The following CD55 variants were observed in gnomAD, a reference collection of about 807,000 sequenced individuals.
CD55 encodes CD55 molecule (Cromer blood group).
A neutral mutation model predicts 45.8 loss-of-function variants in CD55; 41 were observed. The ratio of observed to expected loss-of-function variants is 0.90; its 90% CI spans 0.70 to 1.16. The LOEUF is 1.16. Among genes scored for constraint, CD55 ranks in the 50% most tolerant of loss-of-function variants. The pLI, the probability that CD55 is intolerant of heterozygous loss-of-function variation, is 0.00. For synonymous variants in CD55, 181 were observed against 181.1 expected (o/e 1.00, Z 0.01); for missense variants, 416 against 469.8 (o/e 0.89, Z 1.06).
intron 9 of CD55, among the ~76,000 whole-genome samples, chr1:207,351,199 C>T (rs1655853834): frequency 6.6e-6 from 1 of 151,952 alleles, no homozygotes; most frequent in Non-Finnish European, 1.5e-5. Flanking sequence ...TATGCTGTGG[C>T]CTAAGAGTAT....
At chr1:207,331,852 TTTTTAAA>T (rs1654961655) in intron 6 of CD55, among the ~76,000 whole-genome samples, 1 of 152,200 alleles carries the variant, frequency 6.6e-6, no homozygotes, top group African/African-American at 2.4e-5. Flanking sequence ...TTCGAACTGC[TTTTTAAA>T]TATATTTTAA....
intron 5 of CD55, among the ~76,000 whole-genome samples, chr1:207,327,645 T>A (rs1423863912): frequency 1.3e-5 from 2 of 152,174 alleles, no homozygotes; most frequent in East Asian, 3.9e-4. Flanking sequence ...AAGGCCCTAT[T>A]GTCAAAATTA....
At chr1:207,349,800 T>G (rs908634765) in intron 9 of CD55, among the ~76,000 whole-genome samples, 5 of 152,210 alleles carry the variant, frequency 3.3e-5, no homozygotes, top group African/African-American at 1.2e-4. Flanking sequence ...TAAACTCATA[T>G]CATCTGTGAA....
In CD55 at chr1:207,326,769, C is replaced by T. The variant is rs1135402914; in HGVS notation, c.596C>T (p.Ser199Leu). 5.0e-6 allele frequency: 8 copies of T among 1,613,270 alleles called. No individual in the cohort carries two copies. Among genetic ancestry groups the T allele is most frequent in the Middle Eastern group, 1.6e-4 (1 of 6,084 alleles). Reference protein sequence around the residue: ...SCNTGYKLFGSTSSFCLISGS... With the variant: ...SCNTGYKLFGLTSSFCLISGS... ...TGCTTTAGGTACAAATTATTTGGCT[C>T]GACTTCTAGTTTTTGTCTTATTTCA... Residue 199 changes from serine to leucine, a missense_variant, in exon 5 of 10, where the codon TCG becomes TTG. This residue lies in a region of CD55 where 111 missense variants were observed against 163.4 expected (regional missense o/e 0.68). Transcript: ENST00000367064.
At chr1:207,332,672 A>G (rs1454855273) in intron 6 of CD55, among the ~76,000 whole-genome samples, 1 of 152,230 alleles carries the variant, frequency 6.6e-6, no homozygotes, top group Admixed American at 6.5e-5. Flanking sequence ...GTTTTATTAA[A>G]TGATCAGTTA....
rs376890280 is a variant in CD55, at chr1:207,349,255, T to C, written c.1081+9838T>C. On this transcript the variant is annotated intron_variant, in intron 9 of 9. Transcript: ENST00000367064. ...TGGAGTGCAGTGGCATGATCTTGGT[T>C]CACTGCAACCTCCGTCTCCTGGGTT... 9.9e-5 allele frequency among the ~76,000 whole-genome samples: 15 copies of C among 152,026 alleles called. No individual in the cohort carries two copies. The East Asian group carries it at 2.5e-3, about 25-fold the overall frequency.
rs1656218104 is a variant in CD55 at position 207,359,640 on chromosome 1, C to T, written c.*30C>T. The T allele has an allele frequency of 6.4e-6, 10 of 1,568,274 alleles. No individual in the cohort carries two copies. Among genetic ancestry groups the T allele is most frequent in the Non-Finnish European group, 8.6e-6 (10 of 1,163,894 alleles). Reference sequence around the variant, plus strand: ...AGAAGAGTTAAGAAGAAAATACACACAAGTATACAGACTGTTCCTAGTTTC... The same window carrying T: ...AGAAGAGTTAAGAAGAAAATACACATAAGTATACAGACTGTTCCTAGTTTC... On this transcript the variant is annotated 3_prime_UTR_variant, in exon 10 of 10. Coordinates refer to ENST00000367064, the MANE Select transcript of CD55 (RefSeq NM_000574.5).
intron 9 of CD55, among the ~76,000 whole-genome samples, chr1:207,347,944 G>C (rs920382395): frequency 6.6e-6 from 1 of 151,924 alleles, no homozygotes; most frequent in African/African-American, 2.4e-5. Context: ...AATATCCCGT[G>C]GTGTATATAT....
intron 9 of CD55, among the ~76,000 whole-genome samples, chr1:207,350,477 T>C (rs1192393317): frequency 6.6e-6 from 1 of 152,200 alleles, no homozygotes; most frequent in African/African-American, 2.4e-5. Context: ...TGAATCCATC[T>C]GGTACAGGGC....
chr1:207,351,370 G>C (rs1288694286), intron 9 of CD55, among the ~76,000 whole-genome samples: 1 of 152,150 alleles, frequency 6.6e-6, no homozygotes, highest in Non-Finnish European at 1.5e-5. Flanking sequence ...ATTTGGTCAA[G>C]TGTCAAGTTT....
chr1:207,330,732 T>C (rs1654905158), intron 5 of CD55, among the ~76,000 whole-genome samples: 1 of 152,236 alleles, frequency 6.6e-6, no homozygotes, highest in Admixed American at 6.5e-5. Flanking sequence ...ACTCAAGTTC[T>C]ATTTCCCTGC....
intron 9 of CD55, among the ~76,000 whole-genome samples, chr1:207,349,185 A>C (rs1236089351): frequency 6.7e-6 from 1 of 148,386 alleles, no homozygotes; most frequent in Non-Finnish European, 1.5e-5. Flanking sequence ...ATTTTGTATT[A>C]ATTTTTTTTT....
At chr1:207,353,876 C>A in intron 9 of CD55, 1 of 689,026 alleles carries the variant, frequency 1.5e-6, no homozygotes, top group Non-Finnish European at 2.2e-6. Flanking sequence ...CTACGAAAAT[C>A]TCTTCCCAGG....
At chr1:207,340,665 C>A in intron 9 of CD55, 1 of 580,780 alleles carries the variant, frequency 1.7e-6, no homozygotes, top group Non-Finnish European at 3.1e-6. Context: ...CTGCACCTGG[C>A]CCCACATTTT....
intron 9 of CD55, among the ~76,000 whole-genome samples, chr1:207,342,663 CTTG>C (rs1474444995): frequency 6.6e-6 from 1 of 151,878 alleles, no homozygotes; most frequent in Non-Finnish European, 1.5e-5. Context: ...TTTTGTTGTT[CTTG>C]TTGTGTTCTT....
intron 7 of CD55, 84 bp downstream of exon 7, chr1:207,336,902 A>G: frequency 6.7e-7 from 1 of 1,488,508 alleles, no homozygotes; most frequent in South Asian, 1.1e-5. Flanking sequence ...TCAGAAACCC[A>G]CCACAGTAAA....
chr1:207,343,628 T>C (rs552550661), intron 9 of CD55, among the ~76,000 whole-genome samples: 51 of 152,274 alleles, frequency 3.3e-4, no homozygotes, highest in Middle Eastern at 6.8e-3. Context: ...TCATGTGCCA[T>C]TGAGAAAATT....
chr1:207,324,122 G>A (rs901504813), intron 2 of CD55, among the ~76,000 whole-genome samples: 15 of 152,130 alleles, frequency 9.9e-5, no homozygotes, highest in Non-Finnish European at 8.8e-5. Context: ...AGGGCTCATG[G>A]GAATTAAATG....
Position 207,331,274 on chromosome 1 carries a change from T to C in CD55, c.831T>C (p.Ser277=). ...CTVNNDEGEW[S]GPPPECRGKS... ...TGAATAATGATGAAGGAGAGTGGAG[T>C]GGCCCACCACCTGAATGCAGAGGTA... is the stretch of plus-strand genomic sequence containing the variant. Residue 277 remains serine (S), a synonymous_variant, in exon 6 of 10, where the codon AGT becomes AGC. Coordinates refer to ENST00000367064, the MANE Select transcript of CD55 (RefSeq NM_000574.5). The C allele has an allele frequency of 1.2e-6, 2 of 1,613,512 alleles. No individual in the cohort carries two copies. The highest frequency in any genetic ancestry group is 1.1e-5 in the South Asian group (1 of 91,030).
Sources: gnomAD v4.1 joint callset for allele counts (sites outside exome capture counted in the v4.1 genomes callset) on GRCh38, gnomAD v4.1.1 for gene constraint, gnomAD v4.1.1 regional missense constraint, MANE v1.5 for transcripts, NCBI Gene and HGNC (gene_info 2026-07-23, HGNC 2026-07-21) for gene names.